The following CDH13 variants were observed in gnomAD, a reference collection of about 807,000 sequenced individuals.
CDH13 encodes cadherin 13.
Under a neutral mutation model 63.8 loss-of-function variants are expected in CDH13, and 24 were observed. That is an observed-to-expected ratio of 0.38 (90% confidence interval 0.27 to 0.53). The LOEUF (loss-of-function observed/expected upper bound fraction) is 0.53, where lower values mean the gene tolerates loss of function less well. Ranked by LOEUF, CDH13 falls within the 20% of genes least tolerant of loss-of-function variation. The probability of loss-of-function intolerance (pLI) is 0.85; values close to 1 mark genes in which losing one functional copy is unlikely to be tolerated. For missense variants in CDH13, 1,049 were observed against 903.1 expected (o/e 1.16, Z -2.07); for synonymous variants, 503 against 355.3 (o/e 1.42, Z -4.67).
chr16:83,034,860 C>T (rs1418813639), intron 3 of CDH13, among the ~76,000 whole-genome samples: 1 of 152,084 alleles, frequency 6.6e-6, no homozygotes, highest in African/African-American at 2.4e-5. Flanking sequence ...AGACAAAGCT[C>T]CCCTGAGTCC....
chr16:83,232,530 C>T (rs11864391), intron 5 of CDH13, among the ~76,000 whole-genome samples: 43,932 of 140,822 alleles, frequency 0.31, 7,458 homozygotes, highest in East Asian at 0.64. Flanking sequence ...TCTCAAAAAA[C>T]GACAACAACA....
intron 8 of CDH13, among the ~76,000 whole-genome samples, chr16:83,604,940 T>G (rs539509694): frequency 6.6e-6 from 1 of 152,210 alleles, no homozygotes; most frequent in East Asian, 1.9e-4. Context: ...GTTTTTAATG[T>G]CATTGAATCC....
intron 1 of CDH13, among the ~76,000 whole-genome samples, chr16:82,691,075 A>G (rs973614624): frequency 6.6e-6 from 1 of 152,212 alleles, no homozygotes; most frequent in Non-Finnish European, 1.5e-5. Flanking sequence ...ACATTCAGCA[A>G]ATATTTATTG....
chr16:82,972,869 A>G (rs1352662176), intron 2 of CDH13, among the ~76,000 whole-genome samples: 2 of 152,192 alleles, frequency 1.3e-5, no homozygotes, highest in East Asian at 3.9e-4. Context: ...TTTAAGGTCC[A>G]TGAAGGAAAC....
intron 6 of CDH13, among the ~76,000 whole-genome samples, chr16:83,427,482 A>C (rs952052997): frequency 3.3e-5 from 5 of 152,190 alleles, no homozygotes; most frequent in Admixed American, 2.0e-4. Context: ...TGAAGGTACC[A>C]GCCCCACTAA....
intron 2 of CDH13, among the ~76,000 whole-genome samples, chr16:82,891,904 C>T (rs971059478): frequency 2.6e-5 from 4 of 152,082 alleles, no homozygotes; most frequent in Non-Finnish European, 5.9e-5. Context: ...GTCACGTGTC[C>T]CTTAAATATA....
At position 83,486,566 on chromosome 16, in the gene CDH13, C is replaced by A. The variant is rs2073895469; in HGVS notation, c.871C>A (p.Pro291Thr). 6 of 1,613,840 alleles carry A rather than the reference C, an allele frequency of 3.7e-6. No individual in the cohort carries two copies. The East Asian group carries it at 6.7e-5, about 18-fold the overall frequency. ...LLRYNIRQQT[P>T]DKPSPNMFYI... The stretch of plus-strand genomic sequence containing the variant: ...GCGGTATAATATCCGTCAGCAGACG[C>A]CTGACAAGCCATCTCCCAACATGTT... The change falls in exon 7 of 14, where the codon CCT becomes ACT. Residue 291 changes from proline (P) to threonine (T), a missense_variant. By Grantham distance (38) the Pro-to-Thr change is conservative. Coordinates refer to ENST00000567109, the MANE Select transcript of CDH13 (RefSeq NM_001257.5).
intron 2 of CDH13, among the ~76,000 whole-genome samples, chr16:83,024,184 G>A (rs889631128): frequency 3.9e-5 from 6 of 152,126 alleles, no homozygotes; most frequent in East Asian, 1.9e-4. Context: ...TACAACAAAC[G>A]TCACTGTGGA....
At chr16:83,290,651 T>C (rs2151865253) in intron 5 of CDH13, among the ~76,000 whole-genome samples, 1 of 152,264 alleles carries the variant, frequency 6.6e-6, no homozygotes, top group East Asian at 1.9e-4. Flanking sequence ...TATTCCCTCT[T>C]ATCGAATGAC....
At chr16:82,953,397 G>C (rs1905575534) in intron 2 of CDH13, 3 of 152,106 alleles carry the variant, frequency 2.0e-5, no homozygotes. Context: ...CTAGCTCTTA[G>C]GAGACCCTGA....
chr16:82,772,437 C>A (rs1349903903), intron 1 of CDH13, among the ~76,000 whole-genome samples: 1 of 152,140 alleles, frequency 6.6e-6, no homozygotes, highest in Non-Finnish European at 1.5e-5. Context: ...CCTGCCCACA[C>A]AGGCTAGGCA....
intron 7 of CDH13, among the ~76,000 whole-genome samples, chr16:83,523,179 C>G (rs1362021742): frequency 6.6e-6 from 1 of 152,196 alleles, no homozygotes. Context: ...GTCATCCTCT[C>G]TACCCACAAA....
At chr16:82,908,916 T>C (rs2041734855) in intron 2 of CDH13, among the ~76,000 whole-genome samples, 1 of 152,158 alleles carries the variant, frequency 6.6e-6, no homozygotes, top group South Asian at 2.1e-4. Context: ...TCATAAGATA[T>C]AAAACCTGCA....
intron 2 of CDH13, among the ~76,000 whole-genome samples, chr16:83,018,134 T>C (rs1258242865): frequency 1.3e-5 from 2 of 152,202 alleles, no homozygotes; most frequent in South Asian, 2.1e-4. Flanking sequence ...GTTCTACAAG[T>C]AAACCTTTGC....
In CDH13 at chr16:82,752,137, C is replaced by T. The variant is rs576475813; in HGVS notation, c.46-106225C>T. ...TTATTTATACCATAAGCTAACAAGG[C>T]AGGCCTGGGACAATCAATACATGAG... On this transcript the variant is annotated intron_variant, in intron 1 of 13. Coordinates refer to ENST00000567109, the MANE Select transcript of CDH13 (RefSeq NM_001257.5). 3.9e-5 allele frequency among the ~76,000 whole-genome samples: 6 copies of T among 152,314 alleles called. No individual in the cohort carries two copies. The South Asian group carries it at 1.2e-3, about 32-fold the overall frequency.
intron 8 of CDH13, among the ~76,000 whole-genome samples, chr16:83,648,712 T>G (rs1237438648): frequency 1.3e-5 from 2 of 152,200 alleles, no homozygotes; most frequent in Admixed American, 1.3e-4. Context: ...AAATTTCTTG[T>G]GCAAAAATCG....
intron 2 of CDH13, among the ~76,000 whole-genome samples, chr16:82,997,372 G>C (rs1912363137): frequency 6.6e-6 from 1 of 152,094 alleles, no homozygotes; most frequent in African/African-American, 2.4e-5. Flanking sequence ...ACTAGAGTGA[G>C]GTGAATGAGG....
At chr16:83,299,222 G>C (rs750954777) in intron 5 of CDH13, among the ~76,000 whole-genome samples, 3 of 151,216 alleles carry the variant, frequency 2.0e-5, no homozygotes, top group Non-Finnish European at 4.4e-5. Flanking sequence ...AGATACCACA[G>C]TGTGGATGTT....
At chr16:83,331,459 C>G (rs2090478575) in intron 5 of CDH13, among the ~76,000 whole-genome samples, 1 of 152,168 alleles carries the variant, frequency 6.6e-6, no homozygotes, top group African/African-American at 2.4e-5. Flanking sequence ...AGGGATGTTG[C>G]ATGTCTTAGA....
Sources: allele counts gnomAD v4.1 joint callset (sites outside exome capture counted in the v4.1 genomes callset), GRCh38; gene constraint gnomAD v4.1.1; transcripts MANE v1.5; gene names NCBI Gene and HGNC (gene_info 2026-07-23, HGNC 2026-07-21).